CEMIP: variants seen among roughly 807,000 people sequenced by gnomAD.
CEMIP encodes cell migration-inducing and hyaluronan-binding protein.
A neutral mutation model predicts 156.9 loss-of-function variants in CEMIP; 105 were observed. The observed-to-expected ratio is 0.67, with a 90% CI of 0.57 to 0.79. The LOEUF (loss-of-function observed/expected upper bound fraction) is 0.79. CEMIP is among the 30% of genes least tolerant of loss of function. The probability of loss-of-function intolerance (pLI) is 0.00; values close to 1 mark genes in which losing one functional copy is unlikely to be tolerated. For missense variants in CEMIP, 1,457 were observed against 1,769.4 expected, an observed-to-expected ratio of 0.82 and a Z score of 3.17; for synonymous variants, 676 against 668.4, an observed-to-expected ratio of 1.01 and a Z score of -0.17.
intron 12 of CEMIP, among the ~76,000 whole-genome samples, chr15:80,905,400 A>G (rs117527307): frequency 0.01 from 1,533 of 152,340 alleles, 8 homozygotes; most frequent in South Asian, 0.016. Flanking sequence ...ATTCCATAAA[A>G]GAGTGTGGGA....
intron 12 of CEMIP, 21 bp downstream of exon 12, chr15:80,896,081 T>C: frequency 6.2e-7 from 1 of 1,610,074 alleles, no homozygotes; most frequent in South Asian, 1.1e-5. Context: ...TACTAATCCC[T>C]TCCTAGACTG....
At chr15:80,891,721 A>C (rs2141850637) in intron 10 of CEMIP, among the ~76,000 whole-genome samples, 1 of 152,318 alleles carries the variant, frequency 6.6e-6, no homozygotes, top group African/African-American at 2.4e-5. Flanking sequence ...ATCTCTACCG[A>C]AGAGAAGGTG....
intron 19 of CEMIP, among the ~76,000 whole-genome samples, chr15:80,926,583 GGAGA>G (rs10566423): frequency 0.029 from 4,378 of 152,020 alleles, 210 homozygotes; most frequent in African/African-American, 0.099. Flanking sequence ...GAGAGGGAAG[GGAGA>G]GAGAGAAAGG....
chr15:80,864,811 C>G (rs560991089), intron 1 of CEMIP, among the ~76,000 whole-genome samples: 3 of 152,204 alleles, frequency 2.0e-5, no homozygotes, highest in African/African-American at 7.2e-5. Flanking sequence ...AGTTCTCAAA[C>G]GTAAGCGCTT....
intron 19 of CEMIP, among the ~76,000 whole-genome samples, chr15:80,927,028 A>T (rs773753157): frequency 1.3e-5 from 2 of 152,104 alleles, no homozygotes; most frequent in African/African-American, 2.4e-5. Context: ...ACGGGGTTTC[A>T]CCACATTGGC....
intron 1 of CEMIP, among the ~76,000 whole-genome samples, chr15:80,860,022 C>T (rs1897947328): frequency 6.6e-6 from 1 of 152,178 alleles, no homozygotes; most frequent in Non-Finnish European, 1.5e-5. Flanking sequence ...CACAGGCACA[C>T]ACGCACACAC....
intron 14 of CEMIP, among the ~76,000 whole-genome samples, chr15:80,910,733 C>T (rs1248793270): frequency 6.6e-6 from 1 of 152,118 alleles, no homozygotes; most frequent in Admixed American, 6.5e-5. Context: ...CCTGCTCAGT[C>T]AAGTGGAGAA....
At chr15:80,867,315 C>T (rs974985944) in intron 1 of CEMIP, among the ~76,000 whole-genome samples, 1 of 152,246 alleles carries the variant, frequency 6.6e-6, no homozygotes, top group Non-Finnish European at 1.5e-5. Context: ...TGTCTGTGAG[C>T]CTGAAGCTAA....
Position 80,888,701 on chromosome 15 carries a change from G to T in CEMIP, c.869G>T (p.Gly290Val). 1.2e-6 allele frequency: 2 copies of T among 1,614,002 alleles called. No homozygotes were observed. Among genetic ancestry groups the T allele is most frequent in the Non-Finnish European group, 1.7e-6 (2 of 1,179,894 alleles). ...CTAAAGGGTCTCGTTTCTCTGACAG[G>T]ACATCGAGGCTCTGCTGCTGCCCGG... is the stretch of plus-strand genomic sequence containing the variant. ...SSVEDHIEYH[G>V]HRGSAAARVF... The change falls in exon 9 of 30, where the codon GGA becomes GTA. Residue 290 changes from glycine to valine, a missense_variant and splice_region_variant. Physicochemically the swap from Gly to Val is moderately radical, Grantham distance 109. This residue lies in a region of CEMIP where 17 missense variants were observed against 43.7 expected (regional missense o/e 0.39). Coordinates refer to ENST00000394685, the MANE Select transcript of CEMIP (RefSeq NM_001293298.2).
At chr15:80,894,678 T>C (rs1408536144) in intron 10 of CEMIP, among the ~76,000 whole-genome samples, 1 of 152,184 alleles carries the variant, frequency 6.6e-6, no homozygotes, top group African/African-American at 2.4e-5. Flanking sequence ...GCCCAGATCC[T>C]AGAAGAGTGG....
intron 1 of CEMIP, among the ~76,000 whole-genome samples, chr15:80,869,995 A>T (rs939997208): frequency 4.6e-5 from 7 of 152,278 alleles, no homozygotes; most frequent in Middle Eastern, 3.4e-3. Flanking sequence ...TGGCTTGAGC[A>T]CTGACCACGG....
In CEMIP at chr15:80,906,715, G is replaced by A; in HGVS notation, c.1464G>A (p.Arg488=). ...IGEEIDGVDM[R]AEVGLLSRNI... Reference sequence around the variant, plus strand: ...AGGAGATAGACGGCGTGGACATGCGGGCGGAGGTTGGGCTTCTGAGCCGGA... The same window carrying A: ...AGGAGATAGACGGCGTGGACATGCGAGCGGAGGTTGGGCTTCTGAGCCGGA... The change falls in exon 13 of 30, where the codon CGG becomes CGA. Residue 488 remains arginine, a synonymous_variant. Transcript: ENST00000394685. The surrounding 1 kb of genome is among the most constrained non-coding windows in gnomAD (Gnocchi z 4.3). 10 of 1,614,226 alleles carry A rather than the reference G, an allele frequency of 6.2e-6. No homozygotes were observed. The highest frequency in any genetic ancestry group is 8.5e-6 in the Non-Finnish European group (10 of 1,180,034).
chr15:80,820,265 G>A (rs1277486037), intron 1 of CEMIP, among the ~76,000 whole-genome samples: 2 of 152,316 alleles, frequency 1.3e-5, no homozygotes, highest in East Asian at 3.9e-4. Context: ...AGAGGAAAGT[G>A]GGCAGCCTGT....
chr15:80,944,236 C>T (rs1056489497), intron 28 of CEMIP, among the ~76,000 whole-genome samples: 4 of 152,148 alleles, frequency 2.6e-5, no homozygotes, highest in South Asian at 2.1e-4. Flanking sequence ...GCCGAGATTG[C>T]GCAGCTGCAC....
intron 1 of CEMIP, among the ~76,000 whole-genome samples, chr15:80,861,971 C>A (rs1305945334): frequency 6.6e-6 from 1 of 152,196 alleles, no homozygotes; most frequent in Non-Finnish European, 1.5e-5. Flanking sequence ...TAGCTGCCGG[C>A]TCTGAGGAGC....
intron 1 of CEMIP, among the ~76,000 whole-genome samples, chr15:80,781,090 G>T (rs1895781015): frequency 6.6e-6 from 1 of 152,178 alleles, no homozygotes; most frequent in Admixed American, 6.5e-5. Context: ...TGGCCCCTGA[G>T]AATCCGACCC....
chr15:80,873,112 C>T (rs1411093427), intron 1 of CEMIP, among the ~76,000 whole-genome samples: 1 of 152,164 alleles, frequency 6.6e-6, no homozygotes, highest in Non-Finnish European at 1.5e-5. Context: ...GCTATATTGG[C>T]CAGAGCTGAA....
At chr15:80,876,164 G>A (rs780889015) in intron 3 of CEMIP, among the ~76,000 whole-genome samples, 5 of 152,192 alleles carry the variant, frequency 3.3e-5, no homozygotes, top group African/African-American at 4.8e-5. Flanking sequence ...TGTTCCCCGC[G>A]TGGCTGGGAA....
chr15:80,840,886 G>T (rs531506107), intron 1 of CEMIP, among the ~76,000 whole-genome samples: 11 of 152,142 alleles, frequency 7.2e-5, no homozygotes, highest in Admixed American at 1.3e-4. Flanking sequence ...GGAGGCTGTC[G>T]GGCTTCCCAC....
Sources: allele counts gnomAD v4.1 joint callset (sites outside exome capture counted in the v4.1 genomes callset), GRCh38; gene constraint gnomAD v4.1.1; regional missense constraint gnomAD v4.1.1; non-coding constraint Gnocchi (gnomAD v3.1); transcripts MANE v1.5; gene names NCBI Gene and HGNC (gene_info 2026-07-23, HGNC 2026-07-21).